The following UNC79 variants were observed in gnomAD, a reference collection of about 807,000 sequenced individuals.
UNC79 encodes unc-79 subunit of NALCN channel complex, also known as protein unc-79 homolog.
UNC79 carries 37 observed loss-of-function variants against 283.1 expected under a neutral mutation model. The ratio of observed to expected loss-of-function variants is 0.13; its 90% CI spans 0.10 to 0.17. UNC79 has a LOEUF of 0.17. Ranked by LOEUF, UNC79 falls within the 10% of genes least tolerant of loss-of-function variation. The pLI is 1.00. For synonymous variants in UNC79, 1,107 were observed against 1,200.2 expected (o/e 0.92, Z 1.61); for missense variants, 2,272 against 3,211.1 (o/e 0.71, Z 7.07).
intron 35 of UNC79, among the ~76,000 whole-genome samples, chr14:93,647,138 T>C (rs1053914700): frequency 6.6e-6 from 1 of 152,098 alleles, no homozygotes; most frequent in Non-Finnish European, 1.5e-5. Context: ...TAAACTGTGC[T>C]AAGTGCTATG....
At chr14:93,489,256 G>A (rs2058607650) in intron 5 of UNC79, among the ~76,000 whole-genome samples, 1 of 152,114 alleles carries the variant, frequency 6.6e-6, no homozygotes, top group Middle Eastern at 3.2e-3. Flanking sequence ...ATTTTGAGAG[G>A]ACACAAGCAT....
At chr14:93,572,761 G>A in exon 16 of UNC79, 1 of 1,614,134 alleles carries the variant, frequency 6.2e-7, no homozygotes, top group South Asian at 1.1e-5. Context: ...TTTATTAGTT[G>A]TCGGTTTACA....
intron 31 of UNC79, among the ~76,000 whole-genome samples, chr14:93,631,541 A>G (rs1325301652): frequency 6.6e-6 from 1 of 152,222 alleles, no homozygotes; most frequent in Non-Finnish European, 1.5e-5. Context: ...AGTGGGGTTA[A>G]TTACGAGACT....
At chr14:93,610,959 C>T (rs1464311242) in intron 26 of UNC79, among the ~76,000 whole-genome samples, 3 of 152,118 alleles carry the variant, frequency 2.0e-5, no homozygotes, top group Non-Finnish European at 4.4e-5. Flanking sequence ...TAAACTTTTT[C>T]TATTTTGCCT....
chr14:93,630,959 T>C, intron 31 of UNC79, 51 bp downstream of exon 33: 2 of 1,499,302 alleles, frequency 1.3e-6, no homozygotes, highest in Non-Finnish European at 1.9e-6. Flanking sequence ...TTTGGAACAC[T>C]GTCTGCTGCC....
At chr14:93,406,644 A>T (rs953235411) in intron 1 of UNC79, among the ~76,000 whole-genome samples, 2 of 152,128 alleles carry the variant, frequency 1.3e-5, no homozygotes, top group African/African-American at 4.8e-5. Context: ...TTACTAACAG[A>T]CAGAAAACCT....
At chr14:93,407,385 G>A (rs1347612638) in intron 1 of UNC79, among the ~76,000 whole-genome samples, 1 of 152,164 alleles carries the variant, frequency 6.6e-6, no homozygotes, top group East Asian at 1.9e-4. Context: ...ACACATTGCT[G>A]GAGGCTGAGT....
Position 93,665,986 on chromosome 14 carries a change from T to C in UNC79, c.6636+3272T>C, listed in dbSNP as rs563212484. On this transcript the variant is annotated intron_variant, in intron 40 of 48. Coordinates refer to ENST00000555664, the Ensembl canonical transcript of UNC79. Reference sequence around the variant, plus strand: ...CATTGATAATACAAAGCAGTAATAATAATAATGTTAGTCAGATAGGCATAA... The same window carrying C: ...CATTGATAATACAAAGCAGTAATAACAATAATGTTAGTCAGATAGGCATAA... Among the ~76,000 whole-genome samples, 5 of 152,034 alleles carry C rather than the reference T, an allele frequency of 3.3e-5. No individual in the cohort carries two copies. The South Asian group carries it at 1.0e-3, about 32-fold the overall frequency.
At chr14:93,444,674 G>C (rs905427097) in intron 1 of UNC79, among the ~76,000 whole-genome samples, 3 of 151,948 alleles carry the variant, frequency 2.0e-5, no homozygotes, top group African/African-American at 7.3e-5. Context: ...TATCTCTGTT[G>C]GATTATCCTG....
intron 5 of UNC79, among the ~76,000 whole-genome samples, chr14:93,487,996 T>A (rs2058531312): frequency 6.6e-6 from 1 of 152,214 alleles, no homozygotes; most frequent in Non-Finnish European, 1.5e-5. Context: ...ATGGATTGAA[T>A]ATAAGTATAC....
At chr14:93,535,455 T>C (rs1055847151) in intron 11 of UNC79, among the ~76,000 whole-genome samples, 7 of 152,212 alleles carry the variant, frequency 4.6e-5, no homozygotes, top group African/African-American at 1.7e-4. Context: ...CATAAGAAAT[T>C]GCTCAAAATT....
intron 47 of UNC79, among the ~76,000 whole-genome samples, chr14:93,704,226 T>G (rs573153360): frequency 6.6e-6 from 1 of 152,354 alleles, no homozygotes; most frequent in African/African-American, 2.4e-5. Context: ...AGAGATATTT[T>G]CTTAATGACT....
chr14:93,521,562 G>A (rs1157937847), intron 7 of UNC79, among the ~76,000 whole-genome samples: 1 of 151,674 alleles, frequency 6.6e-6, no homozygotes, highest in Non-Finnish European at 1.5e-5. Context: ...AGAAAGCCAG[G>A]GTGATTGTGG....
At chr14:93,521,723 G>T in intron 7 of UNC79, among the ~76,000 whole-genome samples, 1 of 150,386 alleles carries the variant, frequency 6.6e-6, no homozygotes, top group South Asian at 2.1e-4. Flanking sequence ...TTCTATCATA[G>T]TTGAAAGAGT....
intron 15 of UNC79, 123 bp downstream of exon 15, chr14:93,572,207 C>CAAGT: frequency 6.8e-6 from 7 of 1,025,304 alleles, no homozygotes; most frequent in Non-Finnish European, 9.4e-6. Context: ...TTTAACCACC[C>CAAGT]TGTGGAGAAA....
intron 1 of UNC79, among the ~76,000 whole-genome samples, chr14:93,431,276 T>G (rs2055865837): frequency 1.3e-5 from 2 of 151,780 alleles, no homozygotes; most frequent in Admixed American, 1.3e-4. Flanking sequence ...TTCCTCGGGC[T>G]CCAGCGGGGG....
At chr14:93,432,613 T>C (rs917411268) in intron 1 of UNC79, among the ~76,000 whole-genome samples, 1 of 152,224 alleles carries the variant, frequency 6.6e-6, no homozygotes. Flanking sequence ...TGCATGTTTC[T>C]GAAAGTTAAA....
chr14:93,600,462 A>C, intron 24 of UNC79, 107 bp from the exon 25 acceptor site: 16 of 695,576 alleles, frequency 2.3e-5, no homozygotes, highest in Non-Finnish European at 3.3e-5. Context: ...TGAATTGAGT[A>C]GGCTGCCTTG....
chr14:93,522,298 C>A (rs1432937310), intron 7 of UNC79, among the ~76,000 whole-genome samples: 2 of 151,930 alleles, frequency 1.3e-5, no homozygotes, highest in Non-Finnish European at 2.9e-5. Flanking sequence ...TGCAGACATT[C>A]TTATAATACA....
Sources: gnomAD v4.1 joint callset for allele counts (sites outside exome capture counted in the v4.1 genomes callset) on GRCh38, gnomAD v4.1.1 for gene constraint, MANE v1.5 for transcripts, NCBI Gene and HGNC (gene_info 2026-07-23, HGNC 2026-07-21) for gene names.